RAPGEF6: variants seen among roughly 807,000 people sequenced by gnomAD.
The protein encoded by RAPGEF6 is Rap guanine nucleotide exchange factor 6.
A neutral mutation model predicts 171.4 loss-of-function variants in RAPGEF6; 56 were observed. That is an observed-to-expected ratio of 0.33 (90% CI 0.26 to 0.41). The LOEUF (loss-of-function observed/expected upper bound fraction) is 0.41, where lower values mean the gene tolerates loss of function less well. Ranked by LOEUF, RAPGEF6 falls within the 10% of genes least tolerant of loss-of-function variation. The pLI, the probability that RAPGEF6 is intolerant of heterozygous loss-of-function variation, is 1.00. For synonymous variants in RAPGEF6, 692 were observed against 650.1 expected (o/e 1.06, Z -0.98); for missense variants, 1,674 against 1,921.4 (o/e 0.87, Z 2.41).
rs567472584 is a variant in RAPGEF6 at position 131,493,071 on chromosome 5, A to T, written c.1528-286T>A. ...TATTTATTTATTTATTTATTTATTT[A>T]TTTATTTTTTTGAGACGGAGCCTCG... On this transcript the variant is annotated intron_variant, in intron 13 of 27. Coordinates refer to ENST00000509018, the MANE Select transcript of RAPGEF6 (RefSeq NM_016340.6). Among the ~76,000 whole-genome samples the T allele has an allele frequency of 1.1e-4, 16 of 151,926 alleles. No homozygotes were observed. The East Asian group carries it at 2.5e-3, about 24-fold the overall frequency.
intron 15 of RAPGEF6, among the ~76,000 whole-genome samples, chr5:131,485,522 G>A (rs1755829163): frequency 6.6e-6 from 1 of 152,162 alleles, no homozygotes; most frequent in Admixed American, 6.5e-5. Context: ...CATTCCTCAA[G>A]CCAGGCTTCT....
intron 4 of RAPGEF6, among the ~76,000 whole-genome samples, chr5:131,587,270 T>C (rs1221819929): frequency 6.6e-6 from 1 of 152,150 alleles, no homozygotes; most frequent in African/African-American, 2.4e-5. Flanking sequence ...TGTATCCACA[T>C]GTGCATCTAA....
intron 6 of RAPGEF6, among the ~76,000 whole-genome samples, chr5:131,522,105 T>C (rs1414512851): frequency 6.6e-6 from 1 of 152,168 alleles, no homozygotes; most frequent in Non-Finnish European, 1.5e-5. Context: ...AGTTGGCCCC[T>C]GAGAGATTTC....
intron 15 of RAPGEF6, among the ~76,000 whole-genome samples, chr5:131,484,549 A>C (rs1431037587): frequency 6.6e-6 from 1 of 152,122 alleles, no homozygotes; most frequent in Non-Finnish European, 1.5e-5. Context: ...TGAAGCATAG[A>C]TCGTGATAAA....
At chr5:131,467,644 G>A (rs1754451785) in intron 17 of RAPGEF6, among the ~76,000 whole-genome samples, 1 of 152,056 alleles carries the variant, frequency 6.6e-6, no homozygotes, top group Non-Finnish European at 1.5e-5. Context: ...GAATCAAAAG[G>A]GAAAAAATGA....
At chr5:131,507,428 G>A (rs1462037958) in intron 9 of RAPGEF6, among the ~76,000 whole-genome samples, 1 of 151,938 alleles carries the variant, frequency 6.6e-6, no homozygotes, top group Non-Finnish European at 1.5e-5. Context: ...TCCACTAGAA[G>A]ACAATGTTCA....
At chr5:131,527,730 T>C (rs894600756) in intron 6 of RAPGEF6, among the ~76,000 whole-genome samples, 5 of 152,012 alleles carry the variant, frequency 3.3e-5, no homozygotes, top group Non-Finnish European at 7.4e-5. Context: ...AAGATGCTTC[T>C]AGGGGCCAGG....
At chr5:131,552,972 T>A (rs1204839605) in intron 5 of RAPGEF6, among the ~76,000 whole-genome samples, 4 of 151,950 alleles carry the variant, frequency 2.6e-5, no homozygotes, top group Non-Finnish European at 5.9e-5. Context: ...AAGTCAAAAT[T>A]TAAAAACTTT....
chr5:131,608,201 G>GT (rs1394070692), intron 1 of RAPGEF6, among the ~76,000 whole-genome samples: 3 of 152,184 alleles, frequency 2.0e-5, no homozygotes, highest in Non-Finnish European at 4.4e-5. Context: ...TTAAGTAGTT[G>GT]TAAGAAAAAT....
chr5:131,591,227 C>A (rs76886098), intron 4 of RAPGEF6, among the ~76,000 whole-genome samples: 4 of 152,106 alleles, frequency 2.6e-5, no homozygotes, highest in Non-Finnish European at 5.9e-5. Context: ...CTAGAAATTT[C>A]TTCTCAACAT....
chr5:131,481,437 C>T (rs921354202), intron 15 of RAPGEF6, among the ~76,000 whole-genome samples: 2 of 151,202 alleles, frequency 1.3e-5, no homozygotes, highest in Non-Finnish European at 2.9e-5. Flanking sequence ...ACATGTTGCC[C>T]AGGAATGACC....
At chr5:131,482,730 T>C (rs1253321448) in intron 15 of RAPGEF6, among the ~76,000 whole-genome samples, 1 of 152,216 alleles carries the variant, frequency 6.6e-6, no homozygotes, top group Admixed American at 6.5e-5. Context: ...CTAAGACGCA[T>C]AAAACATAAC....
intron 3 of RAPGEF6, among the ~76,000 whole-genome samples, chr5:131,597,827 T>C (rs924041975): frequency 5.3e-5 from 8 of 152,172 alleles, no homozygotes; most frequent in Non-Finnish European, 1.2e-4. Flanking sequence ...AGTAAAGTAC[T>C]GTATATTACA....
At chr5:131,447,091 A>G in intron 21 of RAPGEF6, 1 of 172,142 alleles carries the variant, frequency 5.8e-6, no homozygotes. Flanking sequence ...GAATCTCTGA[A>G]CCAGGGTTCT....
At chr5:131,484,660 T>A (rs974112192) in intron 15 of RAPGEF6, among the ~76,000 whole-genome samples, 1 of 152,104 alleles carries the variant, frequency 6.6e-6, no homozygotes, top group African/African-American at 2.4e-5. Context: ...TACAAAGAAT[T>A]TTTATTATAT....
At chr5:131,600,905 C>A (rs1764201562) in intron 3 of RAPGEF6, among the ~76,000 whole-genome samples, 1 of 151,632 alleles carries the variant, frequency 6.6e-6, no homozygotes, top group Non-Finnish European at 1.5e-5. Context: ...ACAAAAGGCC[C>A]TAATCACAAG....
chr5:131,559,666 T>TAAC lies in RAPGEF6; in HGVS notation c.351+2309_351+2311dup, dbSNP rs10616741. Among the ~76,000 whole-genome samples, 173 of 149,948 alleles carry TAAC rather than the reference T, an allele frequency of 1.2e-3. 1 individual carries two copies. The highest frequency in any genetic ancestry group is 8.0e-4 in the Admixed American group (12 of 15,060). ...AGCAAGGCTGTCTCTACAAAAACAA[T>TAAC]AACAACAACAACAACAACAACAAAT... On this transcript the variant is annotated intron_variant, in intron 5 of 27. Transcript: ENST00000509018.
chr5:131,623,435 A>C (rs962069323), intron 1 of RAPGEF6, among the ~76,000 whole-genome samples: 10 of 151,766 alleles, frequency 6.6e-5, no homozygotes, highest in Admixed American at 4.6e-4. Context: ...GACCAGTAGA[A>C]ATCACTACTA....
rs1165442565 is a variant in RAPGEF6, at chr5:131,489,554, T to C, written c.1832A>G (p.Asn611Ser). 11 of 1,569,298 alleles carry C rather than the reference T, an allele frequency of 7.0e-6. No homozygotes were observed. The highest frequency in any genetic ancestry group is 1.9e-5 in the Admixed American group (1 of 51,920). ...TTTACAACAAAACTCACCAAAAATG[T>C]TGGTCTTCACAGTAAGTGCAAGATG... ...NTHLALTVKTNIFVFKELLFR... is the reference protein window; with the variant it reads ...NTHLALTVKTSIFVFKELLFR... The change falls in exon 15 of 28, where the codon AAC becomes AGC. Residue 611 changes from asparagine (N) to serine (S), a missense_variant. By Grantham distance (46) the Asn-to-Ser change is conservative. This residue lies in a region of RAPGEF6 where 1,116 missense variants were observed against 1,321.5 expected (regional missense o/e 0.84). Transcript: ENST00000509018.
Sources: allele counts gnomAD v4.1 joint callset (sites outside exome capture counted in the v4.1 genomes callset), GRCh38; gene constraint gnomAD v4.1.1; regional missense constraint gnomAD v4.1.1; transcripts MANE v1.5; gene names NCBI Gene and HGNC (gene_info 2026-07-23, HGNC 2026-07-21).